The following GLIS3 variants were observed in gnomAD, a reference collection of about 807,000 sequenced individuals.
GLIS3 encodes the protein zinc finger protein GLIS3.
GLIS3 carries 53 observed loss-of-function variants against 78.6 expected under a neutral mutation model. The ratio of observed to expected loss-of-function variants is 0.67; its 90% CI spans 0.54 to 0.85. The LOEUF is 0.85. GLIS3 is among the 40% of genes least tolerant of loss of function. The pLI is 0.00. For synonymous variants in GLIS3, 684 were observed against 509.9 expected (o/e 1.34, Z -4.60); for missense variants, 1,703 against 1,231.1 (o/e 1.38, Z -5.74).
intron 4 of GLIS3, among the ~76,000 whole-genome samples, chr9:4,041,763 C>T (rs1485268915): frequency 6.6e-6 from 1 of 152,158 alleles, no homozygotes; most frequent in Admixed American, 6.5e-5. Flanking sequence ...AGGTAGAACA[C>T]CCAACCCCAC....
the GLIS3 span, among the ~76,000 whole-genome samples, chr9:4,454,682 A>C: frequency 8.8e-3 from 1,343 of 152,260 alleles, 35 homozygotes; most frequent in African/African-American, 0.031. Flanking sequence ...ACTCTCCTCT[A>C]TTGCAGGGAA....
At chr9:4,442,150 T>C in the GLIS3 span, among the ~76,000 whole-genome samples, 1 of 152,178 alleles carries the variant, frequency 6.6e-6, no homozygotes, top group Non-Finnish European at 1.5e-5. Flanking sequence ...GCTGTTCAAA[T>C]TTTCTATTTC....
intron 4 of GLIS3, among the ~76,000 whole-genome samples, chr9:4,042,714 C>T (rs1329426797): frequency 6.6e-6 from 1 of 152,046 alleles, no homozygotes; most frequent in African/African-American, 2.4e-5. Context: ...ACAAAACTCC[C>T]AAAAACAAAA....
chr9:4,434,741 C>G, the GLIS3 span, among the ~76,000 whole-genome samples: 6 of 152,190 alleles, frequency 3.9e-5, no homozygotes, highest in East Asian at 1.2e-3. Flanking sequence ...TTCCAACTTC[C>G]CCAGAAGACA....
intron 6 of GLIS3, among the ~76,000 whole-genome samples, chr9:3,922,174 G>T (rs1824935182): frequency 6.6e-6 from 1 of 152,138 alleles, no homozygotes; most frequent in Non-Finnish European, 1.5e-5. Flanking sequence ...TCTGAAAATA[G>T]AAAGTTGGTT....
chr9:4,397,043 T>TTTTTTTTTTTTTTTG, the GLIS3 span, among the ~76,000 whole-genome samples: 1 of 144,690 alleles, frequency 6.9e-6, no homozygotes, highest in Non-Finnish European at 1.5e-5. Context: ...TTTTTTTTTT[T>TTTTTTTTTTTTTTTG]GAGAAAGAGT....
At chr9:3,991,750 G>GCA (rs1820287231) in intron 4 of GLIS3, among the ~76,000 whole-genome samples, 23 of 139,108 alleles carry the variant, frequency 1.7e-4, no homozygotes, top group Admixed American at 6.7e-4. Context: ...GAGTGCAGTG[G>GCA]TGGGATCTCG....
At chr9:4,358,312 A>G in the GLIS3 span, among the ~76,000 whole-genome samples, 1 of 138,214 alleles carries the variant, frequency 7.2e-6, no homozygotes, top group African/African-American at 2.6e-5. Context: ...GCCTAGTATC[A>G]CTTTTGTAAT....
chr9:4,170,873 G>C (rs1816316840), intron 2 of GLIS3, among the ~76,000 whole-genome samples: 1 of 151,984 alleles, frequency 6.6e-6, no homozygotes, highest in Non-Finnish European at 1.5e-5. Flanking sequence ...TCATAACTGG[G>C]GATCCTACCT....
chr9:4,010,979 T>C (rs114103771), intron 4 of GLIS3, among the ~76,000 whole-genome samples: 2,117 of 152,108 alleles, frequency 0.014, 59 homozygotes, highest in African/African-American at 0.048. Flanking sequence ...TTTTAAAAAA[T>C]TGCAAAAGAG....
chr9:4,108,463 T>C (rs1830946267), intron 4 of GLIS3, among the ~76,000 whole-genome samples: 3 of 152,208 alleles, frequency 2.0e-5, no homozygotes, highest in Admixed American at 2.0e-4. Flanking sequence ...GACAGATTTC[T>C]ATTTCAGAAT....
chr9:4,216,345 T>C lies in GLIS3; in HGVS notation c.388+69693A>G, dbSNP rs369422021. 7.6e-3 allele frequency among the ~76,000 whole-genome samples: 1,157 copies of C among 151,884 alleles called. 4 individuals are homozygous for C. The highest frequency in any genetic ancestry group is 0.014 in the Admixed American group (216 of 15,270). The stretch of plus-strand genomic sequence containing the variant: ...AAAATTAGCCGGGCGTGGTGGCGGG[T>C]GCCTGTAGTCCGAGCTACTCAAGAG... On this transcript the variant is annotated intron_variant, in intron 2 of 10. Coordinates refer to ENST00000381971, the MANE Select transcript of GLIS3 (RefSeq NM_001042413.2).
intron 2 of GLIS3, among the ~76,000 whole-genome samples, chr9:4,263,736 T>A (rs567563095): frequency 1.3e-5 from 2 of 152,200 alleles, no homozygotes; most frequent in African/African-American, 4.8e-5. Context: ...CTTCATCTTA[T>A]CTGACGTCTC....
intron 8 of GLIS3, among the ~76,000 whole-genome samples, chr9:3,863,777 C>T (rs918008748): frequency 1.3e-5 from 2 of 151,680 alleles, no homozygotes; most frequent in Admixed American, 1.3e-4. Flanking sequence ...GTGTAGGGAG[C>T]GAGTTGTAAG....
the GLIS3 span, among the ~76,000 whole-genome samples, chr9:4,487,850 GATT>G: frequency 1.3e-5 from 2 of 152,098 alleles, no homozygotes; most frequent in African/African-American, 2.4e-5. Context: ...ATCATGGCCA[GATT>G]ATTATTATTA....
intron 2 of GLIS3, among the ~76,000 whole-genome samples, chr9:4,166,207 G>A (rs1835879890): frequency 6.6e-6 from 1 of 152,170 alleles, no homozygotes; most frequent in African/African-American, 2.4e-5. Flanking sequence ...TCCAAAAACT[G>A]TTAGCTATAA....
chr9:4,296,783 C>T (rs1393843521), intron 1 of GLIS3, among the ~76,000 whole-genome samples: 1 of 152,050 alleles, frequency 6.6e-6, no homozygotes, highest in Non-Finnish European at 1.5e-5. Context: ...AAAATGTCCC[C>T]TACACTTCCT....
Position 4,321,278 on chromosome 9 carries a change from C to T in GLIS3, n.265-10750G>A, listed in dbSNP as rs1369172084. ...TACTAAAAATACAAAAAAAATTAGC[C>T]GGGAGTGGTGGCGGGCGCCTGTAGT... is the stretch of plus-strand genomic sequence containing the variant. On this transcript the variant is annotated intron_variant and non_coding_transcript_variant, in intron 2 of 4. Transcript: ENST00000471664. Among the ~76,000 whole-genome samples the T allele has an allele frequency of 1.7e-5, 2 of 115,420 alleles. 1 individual carries two copies. The highest frequency in any genetic ancestry group is 1.7e-4 in the Admixed American group (2 of 12,088). The allele number at this position is 115,420 out of a possible 152,430, so 75.7% of individuals were successfully genotyped here. A position where few individuals can be genotyped will look rare whatever the true frequency, so the allele number is the denominator to read the frequency against.
intron 2 of GLIS3, among the ~76,000 whole-genome samples, chr9:4,188,283 T>C (rs1196537249): frequency 2.6e-5 from 4 of 151,256 alleles, no homozygotes; most frequent in African/African-American, 7.3e-5. Flanking sequence ...GGTTCGTTTA[T>C]ATGCTGGATT....
Sources: gnomAD v4.1 joint callset for allele counts (sites outside exome capture counted in the v4.1 genomes callset) on GRCh38, gnomAD v4.1.1 for gene constraint, MANE v1.5 for transcripts, NCBI Gene and HGNC (gene_info 2026-07-23, HGNC 2026-07-21) for gene names.